SLC16A10: variants seen among roughly 807,000 people sequenced by gnomAD.
SLC16A10 encodes the protein monocarboxylate transporter 10.
In SLC16A10, 27 loss-of-function variants were observed where a neutral mutation model predicts 40.0. That is an observed-to-expected ratio of 0.67 (90% confidence interval 0.50 to 0.93). SLC16A10 has a LOEUF of 0.93. Among genes scored for constraint, SLC16A10 ranks in the 40% least tolerant of loss-of-function variants. SLC16A10 has a pLI of 0.00. For synonymous variants in SLC16A10, 213 were observed against 249.8 expected (o/e 0.85, Z 1.39); for missense variants, 529 against 658.2 (o/e 0.80, Z 2.15).
chr6:111,145,368 T>C (rs1369866752), intron 1 of SLC16A10, among the ~76,000 whole-genome samples: 2 of 152,134 alleles, frequency 1.3e-5, no homozygotes, highest in East Asian at 1.9e-4. Context: ...ATCACTGCAC[T>C]CCAGCTTAGA....
chr6:111,134,688 TA>T (rs1441837201), intron 1 of SLC16A10, among the ~76,000 whole-genome samples: 4 of 152,168 alleles, frequency 2.6e-5, no homozygotes, highest in African/African-American at 4.8e-5. Context: ...AAGGACACTT[TA>T]AAAAAGATTA....
chr6:111,224,122 C>T lies in SLC16A10; in HGVS notation c.*1887C>T, dbSNP rs1418166417. ...AGGCATGATGGTGCCCACCTGTAGCCCCAGCTACTCAGAGGCTGAGGTAGT... is the reference window on the plus strand; with the variant it reads ...AGGCATGATGGTGCCCACCTGTAGCTCCAGCTACTCAGAGGCTGAGGTAGT... On this transcript the variant is annotated 3_prime_UTR_variant, in exon 6 of 6. Transcript: ENST00000368851. 6.8e-6 allele frequency: 1 copy of T among 146,796 alleles called. No homozygotes were observed. Among genetic ancestry groups the T allele is most frequent in the Non-Finnish European group, 1.5e-5 (1 of 66,908 alleles). 9.1% of individuals were successfully genotyped at this position (146,796 alleles called of 1,614,324 possible).
chr6:111,174,877 G>A (rs1186914431), intron 2 of SLC16A10, among the ~76,000 whole-genome samples: 1 of 152,124 alleles, frequency 6.6e-6, no homozygotes, highest in Non-Finnish European at 1.5e-5. Context: ...TAAAAATTAT[G>A]ACATATATTT....
intron 1 of SLC16A10, among the ~76,000 whole-genome samples, chr6:111,133,587 A>C (rs1771824261): frequency 6.6e-6 from 1 of 152,202 alleles, no homozygotes; most frequent in Non-Finnish European, 1.5e-5. Context: ...GTAGAAAAGA[A>C]GGCAAATGGA....
chr6:111,129,721 A>G (rs1771747091), intron 1 of SLC16A10, among the ~76,000 whole-genome samples: 1 of 152,166 alleles, frequency 6.6e-6, no homozygotes, highest in Non-Finnish European at 1.5e-5. Flanking sequence ...AGCTCCCCAT[A>G]TCCAAATTGC....
intron 1 of SLC16A10, among the ~76,000 whole-genome samples, chr6:111,168,133 C>T (rs946217848): frequency 2.6e-5 from 4 of 152,112 alleles, no homozygotes; most frequent in Non-Finnish European, 5.9e-5. Flanking sequence ...GCACCCGCCA[C>T]CACACCCAGC....
At chr6:111,182,310 C>CTTTTTTTTTTTTTTTTTTTTTTTTTTTT in intron 3 of SLC16A10, among the ~76,000 whole-genome samples, 1 of 103,624 alleles carries the variant, frequency 9.7e-6, no homozygotes, top group Non-Finnish European at 1.8e-5. Flanking sequence ...CTCTGGGTTT[C>CTTTTTTTTTTTTTTTTTTTTTTTTTTTT]TTTTTTTTTT....
At chr6:111,121,430 G>A (rs987450872) in intron 1 of SLC16A10, among the ~76,000 whole-genome samples, 10 of 152,168 alleles carry the variant, frequency 6.6e-5, no homozygotes, top group Admixed American at 1.3e-4. Flanking sequence ...GCGTGGTGGC[G>A]TGTGCCTGTA....
At chr6:111,217,437 T>G (rs1276878323) in intron 4 of SLC16A10, among the ~76,000 whole-genome samples, 3 of 138,500 alleles carry the variant, frequency 2.2e-5, no homozygotes, top group Non-Finnish European at 4.9e-5. Context: ...TTGTTCAGTT[T>G]TTGTTGTTGT....
chr6:111,222,865 T>TC lies in SLC16A10; in HGVS notation c.*632dup, dbSNP rs1770927245. The TC allele has an allele frequency of 6.6e-6, 1 of 152,446 alleles. No individual in the cohort carries two copies. Among genetic ancestry groups the TC allele is most frequent in the Non-Finnish European group, 1.5e-5 (1 of 68,274 alleles). The allele number at this position is 152,446 out of a possible 1,614,324, so 9.4% of individuals were successfully genotyped here. On this transcript the variant is annotated 3_prime_UTR_variant, in exon 6 of 6. Coordinates refer to ENST00000368851, the MANE Select transcript of SLC16A10 (RefSeq NM_018593.5). ...AATATGTGAGATGAAAAGGATCCCCTCCAGGAGGATCCTGAGCTGTTCAGA... is the reference window on the plus strand; with the variant it reads ...AATATGTGAGATGAAAAGGATCCCCTCCCAGGAGGATCCTGAGCTGTTCAGA...
At chr6:111,131,770 T>C (rs949160928) in intron 1 of SLC16A10, among the ~76,000 whole-genome samples, 4 of 152,194 alleles carry the variant, frequency 2.6e-5, no homozygotes, top group Admixed American at 2.0e-4. Flanking sequence ...AGAAAGCTGT[T>C]GTCCTGAACT....
At chr6:111,096,544 C>T (rs1441890924) in intron 1 of SLC16A10, among the ~76,000 whole-genome samples, 1 of 152,154 alleles carries the variant, frequency 6.6e-6, no homozygotes, top group Admixed American at 6.5e-5. Context: ...GAAAGCAGTG[C>T]TTTCAAATGT....
rs997533428 is a variant in SLC16A10, at chr6:111,174,362, G to A, written c.488+1523G>A. On this transcript the variant is annotated intron_variant, in intron 2 of 5. Coordinates refer to ENST00000368851, the MANE Select transcript of SLC16A10 (RefSeq NM_018593.5). Reference sequence around the variant, plus strand: ...AGAATCCTTGGTTTTACTCATTGCCGCCCCCCACCCCCCAACACACATCCC... The same window carrying A: ...AGAATCCTTGGTTTTACTCATTGCCACCCCCCACCCCCCAACACACATCCC... Among the ~76,000 whole-genome samples, 8 of 149,670 alleles carry A rather than the reference G, an allele frequency of 5.3e-5. No homozygotes were observed. In the East Asian group the frequency reaches 5.9e-4, roughly 11 times the overall value.
At chr6:111,203,511 A>T (rs1773205194) in intron 3 of SLC16A10, among the ~76,000 whole-genome samples, 1 of 152,088 alleles carries the variant, frequency 6.6e-6, no homozygotes, top group African/African-American at 2.4e-5. Context: ...ACTTGAGGTC[A>T]GGAGTTTTGA....
chr6:111,169,803 G>C (rs1309464953), intron 1 of SLC16A10, among the ~76,000 whole-genome samples: 2 of 152,014 alleles, frequency 1.3e-5, no homozygotes, highest in Non-Finnish European at 2.9e-5. Context: ...TCCTGTTAGT[G>C]CTTATTCAAT....
At chr6:111,220,999 GTCTATTT>G (rs1336678410) in intron 5 of SLC16A10, among the ~76,000 whole-genome samples, 5 of 152,194 alleles carry the variant, frequency 3.3e-5, no homozygotes, top group African/African-American at 7.2e-5. Context: ...TACAGATATT[GTCTATTT>G]TATATATGCA....
At chr6:111,212,633 A>C (rs955922188) in intron 4 of SLC16A10, among the ~76,000 whole-genome samples, 2 of 152,046 alleles carry the variant, frequency 1.3e-5, no homozygotes, top group Non-Finnish European at 2.9e-5. Context: ...TCTCTACAAA[A>C]AATTAAAAAG....
At chr6:111,113,048 T>G (rs887330210) in intron 1 of SLC16A10, among the ~76,000 whole-genome samples, 2 of 152,186 alleles carry the variant, frequency 1.3e-5, no homozygotes, top group East Asian at 3.8e-4. Flanking sequence ...GTTCCATTAC[T>G]CTATATTAAA....
chr6:111,205,221 A>T (rs1394389246), intron 3 of SLC16A10, among the ~76,000 whole-genome samples: 1 of 152,228 alleles, frequency 6.6e-6, no homozygotes, highest in Non-Finnish European at 1.5e-5. Context: ...GGATACATAA[A>T]TGGGCTTTTA....
Sources: allele counts gnomAD v4.1 joint callset (sites outside exome capture counted in the v4.1 genomes callset), GRCh38; gene constraint gnomAD v4.1.1; transcripts MANE v1.5; gene names NCBI Gene and HGNC (gene_info 2026-07-23, HGNC 2026-07-21).